Variants in CYP7B1 observed in about 807,000 individuals in gnomAD.
CYP7B1 encodes cytochrome P450 7B1.
A neutral mutation model predicts 42.7 loss-of-function variants in CYP7B1; 29 were observed. The ratio of observed to expected loss-of-function variants is 0.68; its 90% CI spans 0.51 to 0.93. The LOEUF (loss-of-function observed/expected upper bound fraction) is 0.93. Among genes scored for constraint, CYP7B1 ranks in the 40% least tolerant of loss-of-function variants. The probability of loss-of-function intolerance (pLI) is 0.00; values close to 1 mark genes in which losing one functional copy is unlikely to be tolerated. For missense variants in CYP7B1, 655 were observed against 600.5 expected, an observed-to-expected ratio of 1.09 and a Z score of -0.95; for synonymous variants, 235 against 218.2, an observed-to-expected ratio of 1.08 and a Z score of -0.68.
chr8:64,601,516 T>C lies in CYP7B1; in HGVS notation c.1233+3166A>G, dbSNP rs576791266. ...AGCTCCGGTTCTGTATCTTGCATTGTGGCAGAAAAGAAATCATCACTATTT... is the reference window on the plus strand; with the variant it reads ...AGCTCCGGTTCTGTATCTTGCATTGCGGCAGAAAAGAAATCATCACTATTT... On this transcript the variant is annotated intron_variant, in intron 5 of 5. Coordinates refer to ENST00000310193, the MANE Select transcript of CYP7B1 (RefSeq NM_004820.5). 6.6e-5 allele frequency among the ~76,000 whole-genome samples: 10 copies of C among 152,328 alleles called. No homozygotes were observed. The South Asian group carries it at 2.1e-3, about 32-fold the overall frequency.
At chr8:64,742,841 G>C (rs1436692140) in intron 1 of CYP7B1, among the ~76,000 whole-genome samples, 4 of 152,026 alleles carry the variant, frequency 2.6e-5, no homozygotes, top group Non-Finnish European at 4.4e-5. Context: ...TTTTTCCTTT[G>C]TAACCCTCCA....
chr8:64,643,262 T>A (rs1200175332), intron 1 of CYP7B1, among the ~76,000 whole-genome samples: 1 of 151,022 alleles, frequency 6.6e-6, no homozygotes, highest in Non-Finnish European at 1.5e-5. Flanking sequence ...CAGACCACCA[T>A]CATAATGTGA....
intron 1 of CYP7B1, among the ~76,000 whole-genome samples, chr8:64,672,742 C>T (rs1302618341): frequency 6.6e-6 from 1 of 152,110 alleles, no homozygotes; most frequent in African/African-American, 2.4e-5. Context: ...TCCCAAGGAA[C>T]GCTGACTTGC....
chr8:64,610,192 T>A (rs1805343275), intron 4 of CYP7B1, among the ~76,000 whole-genome samples: 1 of 152,216 alleles, frequency 6.6e-6, no homozygotes, highest in Non-Finnish European at 1.5e-5. Flanking sequence ...ATTCCTTATA[T>A]TATCTAACCA....
At chr8:64,693,142 C>T (rs941306813) in intron 1 of CYP7B1, among the ~76,000 whole-genome samples, 3 of 152,182 alleles carry the variant, frequency 2.0e-5, no homozygotes, top group Admixed American at 6.5e-5. Flanking sequence ...CAGAGTATGT[C>T]GTTCAGACAT....
At chr8:64,680,425 C>A (rs2129631925) in intron 1 of CYP7B1, among the ~76,000 whole-genome samples, 1 of 152,272 alleles carries the variant, frequency 6.6e-6, no homozygotes, top group Non-Finnish European at 1.5e-5. Flanking sequence ...CCTACCCAAA[C>A]CAGGTCTGTG....
At chr8:64,653,068 C>T (rs938574839) in intron 1 of CYP7B1, among the ~76,000 whole-genome samples, 1 of 152,028 alleles carries the variant, frequency 6.6e-6, no homozygotes, top group African/African-American at 2.4e-5. Flanking sequence ...AAATCAGCAA[C>T]CTAACATCAC....
intron 1 of CYP7B1, among the ~76,000 whole-genome samples, chr8:64,694,007 G>A (rs922518738): frequency 3.3e-5 from 5 of 152,104 alleles, no homozygotes; most frequent in East Asian, 1.9e-4. Flanking sequence ...TCCTCAATAC[G>A]CGTTGAGGCT....
intron 1 of CYP7B1, among the ~76,000 whole-genome samples, chr8:64,751,916 T>C (rs1171401055): frequency 1.3e-5 from 2 of 152,204 alleles, no homozygotes; most frequent in Non-Finnish European, 2.9e-5. Context: ...TAGCACCACA[T>C]AGGCACCCAA....
intron 1 of CYP7B1, among the ~76,000 whole-genome samples, chr8:64,776,555 C>T (rs546307633): frequency 2.0e-5 from 3 of 152,210 alleles, no homozygotes; most frequent in East Asian, 1.9e-4. Context: ...ACAATTCAAT[C>T]GTGTTCCTTT....
intron 5 of CYP7B1, among the ~76,000 whole-genome samples, chr8:64,601,773 T>TA (rs1321217130): frequency 6.6e-6 from 1 of 152,152 alleles, no homozygotes; most frequent in East Asian, 1.9e-4. Flanking sequence ...ATTTTTTAAA[T>TA]AAAAAATCAA....
intron 1 of CYP7B1, among the ~76,000 whole-genome samples, chr8:64,732,491 A>T (rs923127735): frequency 2.0e-5 from 3 of 152,120 alleles, no homozygotes; most frequent in Non-Finnish European, 4.4e-5. Context: ...TTTGCTTTTG[A>T]CTTCACAGGC....
chr8:64,686,443 G>T (rs1251591829), intron 1 of CYP7B1, among the ~76,000 whole-genome samples: 1 of 41,044 alleles, frequency 2.4e-5, no homozygotes, highest in Non-Finnish European at 5.3e-5. Flanking sequence ...CGCCCCGTCC[G>T]GGAGGGAGGT....
chr8:64,614,974 G>C, intron 4 of CYP7B1, 52 bp downstream of exon 4: 2 of 1,585,944 alleles, frequency 1.3e-6, no homozygotes, highest in Non-Finnish European at 1.7e-6. Context: ...GTGATAAACC[G>C]AGTTTGCAGA....
chr8:64,703,734 GA>G lies in CYP7B1; in HGVS notation c.123-79196del, dbSNP rs1172479185. On this transcript the variant is annotated intron_variant, in intron 1 of 5. Transcript: ENST00000310193. ...CTTTACAACAAGACAAAATATTTTG[GA>G]AACTTTTAGATAGCATGAAATAATA... is the stretch of plus-strand genomic sequence containing the variant. 99 of 152,060 alleles carry G rather than the reference GA, an allele frequency of 6.5e-4. 1 individual carries two copies. The highest frequency in any genetic ancestry group is 3.1e-3 in the Admixed American group (47 of 15,220). 9.4% of individuals were successfully genotyped at this position (152,060 alleles called of 1,614,324 possible).
chr8:64,598,618 A>T (rs73689551), intron 5 of CYP7B1, among the ~76,000 whole-genome samples: 1,677 of 152,294 alleles, frequency 0.011, 39 homozygotes, highest in African/African-American at 0.038. Context: ...GCCAGAAATC[A>T]CCATGGTTTT....
intron 1 of CYP7B1, among the ~76,000 whole-genome samples, chr8:64,776,931 A>G (rs906707323): frequency 2.0e-5 from 3 of 152,080 alleles, no homozygotes; most frequent in Non-Finnish European, 4.4e-5. Flanking sequence ...CTTTTGCACA[A>G]TTGTCTACTC....
intron 1 of CYP7B1, among the ~76,000 whole-genome samples, chr8:64,769,360 A>C (rs1223009831): frequency 6.6e-6 from 1 of 152,202 alleles, no homozygotes; most frequent in African/African-American, 2.4e-5. Flanking sequence ...ATATTGTGAA[A>C]GATGAAGTAG....
At chr8:64,707,823 T>G (rs953202707) in intron 1 of CYP7B1, among the ~76,000 whole-genome samples, 19 of 152,082 alleles carry the variant, frequency 1.2e-4, no homozygotes, top group Non-Finnish European at 2.9e-5. Context: ...AAATTATACA[T>G]AGGAAATAAG....
Sources: gnomAD v4.1 joint callset for allele counts (sites outside exome capture counted in the v4.1 genomes callset) on GRCh38, gnomAD v4.1.1 for gene constraint, MANE v1.5 for transcripts, NCBI Gene and HGNC (gene_info 2026-07-23, HGNC 2026-07-21) for gene names.